The following ATF7 variants were observed in gnomAD, a reference collection of about 807,000 sequenced individuals.
The protein encoded by ATF7 is cyclic AMP-dependent transcription factor ATF-7.
In ATF7, 10 loss-of-function variants were observed where a neutral mutation model predicts 50.4. The ratio of observed to expected loss-of-function variants is 0.20; its 90% CI spans 0.12 to 0.34. ATF7 has a LOEUF of 0.34. Among genes scored for constraint, ATF7 ranks in the 10% least tolerant of loss-of-function variants. ATF7 has a pLI of 1.00. For missense variants in ATF7, 465 were observed against 613.9 expected (o/e 0.76, Z 2.56); for synonymous variants, 201 against 226.4 (o/e 0.89, Z 1.01).
chr12:53,610,336 A>T (rs189911167), intron 1 of ATF7, among the ~76,000 whole-genome samples: 42 of 152,022 alleles, frequency 2.8e-4, no homozygotes, highest in Admixed American at 2.6e-3. Context: ...ACGACGAGGC[A>T]GGTGGATCCC....
chr12:53,606,135 G>C (rs1285145869), intron 1 of ATF7, among the ~76,000 whole-genome samples: 2 of 151,996 alleles, frequency 1.3e-5, no homozygotes, highest in African/African-American at 2.4e-5. Context: ...GGAGTAGTTT[G>C]TCAAGTTAAC....
chr12:53,530,251 C>T (rs1938788007), intron 9 of ATF7, among the ~76,000 whole-genome samples: 1 of 152,138 alleles, frequency 6.6e-6, no homozygotes, highest in Admixed American at 6.5e-5. Flanking sequence ...CCAAGCTTTA[C>T]CGTAGCATAT....
chr12:53,609,552 G>A (rs1319959092), intron 1 of ATF7, among the ~76,000 whole-genome samples: 1 of 151,200 alleles, frequency 6.6e-6, no homozygotes, highest in Non-Finnish European at 1.5e-5. Context: ...AGACCGAGAT[G>A]AGAGGATCCC....
At chr12:53,532,393 T>G in intron 8 of ATF7, 117 bp downstream of exon 8, 2 of 754,178 alleles carry the variant, frequency 2.7e-6, no homozygotes, top group Non-Finnish European at 2.2e-6. Flanking sequence ...CAGCAGGGAG[T>G]CCTTAGCTTT....
At chr12:53,609,572 A>G (rs1013968011) in intron 1 of ATF7, among the ~76,000 whole-genome samples, 3 of 151,792 alleles carry the variant, frequency 2.0e-5, no homozygotes, top group Admixed American at 1.3e-4. Context: ...CTTGAGCCCA[A>G]GAGTTCAAGG....
chr12:53,531,778 T>C lies in ATF7; in HGVS notation c.893A>G (p.Gln298Arg). 6.2e-7 allele frequency: 1 copy of C among 1,612,258 alleles called. No homozygotes were observed. Among genetic ancestry groups the C allele is most frequent in the Non-Finnish European group, 8.5e-7 (1 of 1,179,392 alleles). The change falls in exon 9 of 12, where the codon CAG (glutamine) becomes CGG (arginine). Residue 298 changes from glutamine to arginine, a missense_variant. By Grantham distance (43) the Gln-to-Arg change is conservative. Coordinates refer to ENST00000420353, the MANE Select transcript of ATF7 (RefSeq NM_006856.3). Reference sequence around the variant, plus strand: ...GGCAGGGGATGGGGCATCAGGGTGCTGGATGAGAATCTGGCTCTGCTCTGG... The same window carrying C: ...GGCAGGGGATGGGGCATCAGGGTGCCGGATGAGAATCTGGCTCTGCTCTGG... ...ARPEQSQILI[Q>R]HPDAPSPAQP...
chr12:53,527,864 T>C (rs181654235), intron 9 of ATF7, among the ~76,000 whole-genome samples: 34 of 152,048 alleles, frequency 2.2e-4, no homozygotes, highest in African/African-American at 8.2e-4. Context: ...TTTTTTGAGA[T>C]GGAGTCTTGC....
At chr12:53,587,843 A>ATATATATATATATATATATATCTT in intron 2 of ATF7, among the ~76,000 whole-genome samples, 1 of 61,568 alleles carries the variant, frequency 1.6e-5, no homozygotes, top group Non-Finnish European at 3.4e-5. Context: ...ATATATATAT[A>ATATATATATATATATATATATCTT]TTTTTTTTTT....
At chr12:53,620,035 A>T (rs1405920643) in intron 1 of ATF7, among the ~76,000 whole-genome samples, 1 of 152,042 alleles carries the variant, frequency 6.6e-6, no homozygotes. Context: ...TCAGCTACTC[A>T]GGAGGCTGAG....
At position 53,537,505 on chromosome 12, in the gene ATF7, G is replaced by C. The variant is rs749373628; in HGVS notation, c.312C>G (p.Ile104Met). 1.2e-6 allele frequency: 2 copies of C among 1,613,688 alleles called. No individual in the cohort carries two copies. The highest frequency in any genetic ancestry group is 8.5e-7 in the Non-Finnish European group (1 of 1,179,868). The change falls in exon 5 of 12, where the codon ATC (isoleucine) becomes ATG (methionine). Residue 104 changes from isoleucine to methionine, a missense_variant. Physicochemically the swap from Ile to Met is conservative, Grantham distance 10. Transcript: ENST00000420353. ...CCACTGGCTCTTCTTCTTTGATTTT[G>C]ATGTCTGGTGTGGAAGGCAGAGACA... ...LDMSLPSTPD[I>M]KIKEEEPVEV...
At chr12:53,536,191 A>G (rs546312870) in intron 5 of ATF7, among the ~76,000 whole-genome samples, 35 of 152,006 alleles carry the variant, frequency 2.3e-4, no homozygotes, top group Non-Finnish European at 3.8e-4. Context: ...CTTGAATTTT[A>G]TAAGTATGTA....
chr12:53,618,141 C>T (rs1308645425), intron 1 of ATF7, among the ~76,000 whole-genome samples: 3 of 152,070 alleles, frequency 2.0e-5, no homozygotes, highest in Admixed American at 6.6e-5. Context: ...ATTTATGTTC[C>T]TTACTTGTGT....
At chr12:53,607,283 T>C (rs1943657190) in intron 1 of ATF7, among the ~76,000 whole-genome samples, 2 of 152,220 alleles carry the variant, frequency 1.3e-5, no homozygotes, top group South Asian at 4.1e-4. Context: ...TACCTCATTG[T>C]GGTTTTGATT....
intron 2 of ATF7, among the ~76,000 whole-genome samples, chr12:53,560,886 T>C (rs775402092): frequency 2.6e-5 from 4 of 152,134 alleles, no homozygotes; most frequent in Admixed American, 6.6e-5. Flanking sequence ...CAGTACTTCA[T>C]GGACAGAATT....
chr12:53,617,424 G>A (rs915932486), intron 1 of ATF7, among the ~76,000 whole-genome samples: 3 of 152,128 alleles, frequency 2.0e-5, no homozygotes, highest in Admixed American at 6.6e-5. Context: ...GGTCACGGGT[G>A]CGAGAGCAGC....
intron 4 of ATF7, among the ~76,000 whole-genome samples, chr12:53,542,605 G>C (rs1374915379): frequency 6.6e-6 from 1 of 152,056 alleles, no homozygotes; most frequent in African/African-American, 2.4e-5. Context: ...CTTTAAAACT[G>C]TTTTTGTAAA....
At chr12:53,586,836 A>G (rs1220638626) in intron 2 of ATF7, among the ~76,000 whole-genome samples, 1 of 152,018 alleles carries the variant, frequency 6.6e-6, no homozygotes, top group Non-Finnish European at 1.5e-5. Context: ...CTCACACACA[A>G]CTAACTGGTC....
At chr12:53,555,468 T>A (rs1592859574) in intron 2 of ATF7, among the ~76,000 whole-genome samples, 1 of 151,428 alleles carries the variant, frequency 6.6e-6, no homozygotes, top group Non-Finnish European at 1.5e-5. Flanking sequence ...AGAACCTAGT[T>A]TATAAAGAAG....
chr12:53,605,389 CAAAA>C (rs11433998), intron 1 of ATF7, among the ~76,000 whole-genome samples: 1 of 101,998 alleles, frequency 9.8e-6, no homozygotes. Context: ...AATTCTGTCT[CAAAA>C]AAAAAAAAAA....
Sources: gnomAD v4.1 joint callset for allele counts (sites outside exome capture counted in the v4.1 genomes callset) on GRCh38, gnomAD v4.1.1 for gene constraint, MANE v1.5 for transcripts, NCBI Gene and HGNC (gene_info 2026-07-23, HGNC 2026-07-21) for gene names.